The following BLACAT1 variants were observed in gnomAD, a reference collection of about 807,000 sequenced individuals.
BLACAT1 encodes BLACAT1 overlapping LEMD1 locus, also known as bladder cancer associated transcript 1.
At chr1:205,452,336 CAGG>C (rs1239047758) in intron 1 of BLACAT1, among the ~76,000 whole-genome samples, 1 of 152,170 alleles carries the variant, frequency 6.6e-6, no homozygotes, top group African/African-American at 2.4e-5. Context: ...GAGGCTAAGC[CAGG>C]AGGAGAACTC....
At chr1:205,443,919 T>C (rs1666339302) in intron 1 of BLACAT1, among the ~76,000 whole-genome samples, 1 of 152,152 alleles carries the variant, frequency 6.6e-6, no homozygotes, top group Non-Finnish European at 1.5e-5. Flanking sequence ...GGCTGTGGTC[T>C]CTGCTCCTCT....
chr1:205,439,295 T>C (rs1443221272), downstream of BLACAT1, among the ~76,000 whole-genome samples: 2 of 152,128 alleles, frequency 1.3e-5, no homozygotes, highest in Non-Finnish European at 2.9e-5. Flanking sequence ...ATTCTTTGGA[T>C]ATAAAAGGAA....
At chr1:205,444,773 C>T (rs186208601) in intron 1 of BLACAT1, among the ~76,000 whole-genome samples, 2 of 152,138 alleles carry the variant, frequency 1.3e-5, no homozygotes, top group Admixed American at 1.3e-4. Context: ...TGGGGCATGC[C>T]AGCAATTCTC....
At position 205,448,443 on chromosome 1, in the gene BLACAT1, G is replaced by C. The variant is rs1666440913; in HGVS notation, c.-36-7381C>G. The C allele has an allele frequency of 1.9e-6, 1 of 530,936 alleles. No homozygotes were observed. The highest frequency in any genetic ancestry group is 3.9e-6 in the Non-Finnish European group (1 of 259,384). The allele number at this position is 530,936 out of a possible 1,614,324, so 32.9% of individuals were successfully genotyped here. A position where few individuals can be genotyped will look rare whatever the true frequency, so the allele number is the denominator to read the frequency against. Reference sequence around the variant, plus strand: ...ATCTCATAGGGAAGCGAGAAGCTGGGGCACCCGAGAAGCCCTCACTCCCCT... The same window carrying C: ...ATCTCATAGGGAAGCGAGAAGCTGGCGCACCCGAGAAGCCCTCACTCCCCT... On this transcript the variant is annotated intron_variant, in intron 1 of 1. Coordinates refer to ENST00000629624, the Ensembl canonical transcript of BLACAT1. This position sits in a 1 kb window ranked among gnomAD's most constrained non-coding sequence, Gnocchi z 4.7.
At position 205,448,481 on chromosome 1, in the gene BLACAT1, C is replaced by T. The variant is rs1352818300; in HGVS notation, c.-36-7419G>A. 6 of 492,564 alleles carry T rather than the reference C, an allele frequency of 1.2e-5. No individual in the cohort carries two copies. The highest frequency in any genetic ancestry group is 4.0e-5 in the African/African-American group (2 of 50,624). The allele number at this position is 492,564 out of a possible 1,614,324, so 30.5% of individuals were successfully genotyped here. On this transcript the variant is annotated intron_variant, in intron 1 of 1. Coordinates refer to ENST00000629624, the Ensembl canonical transcript of BLACAT1. This position sits in a 1 kb window ranked among gnomAD's most constrained non-coding sequence, Gnocchi z 4.7. Reference sequence around the variant, plus strand: ...CCCTCACTCCCCTTCTCAGCACCCCCGACCCCAGACCCACCCACACTGCCT... The same window carrying T: ...CCCTCACTCCCCTTCTCAGCACCCCTGACCCCAGACCCACCCACACTGCCT...
intron 1 of BLACAT1, among the ~76,000 whole-genome samples, 159 bp downstream of exon 1, chr1:205,455,758 T>C (rs1425437331): frequency 6.6e-6 from 1 of 152,124 alleles, no homozygotes; most frequent in Non-Finnish European, 1.5e-5. Context: ...GGTGAGTGCC[T>C]GAACCCGCAT....
chr1:205,452,981 C>T (rs926475502), intron 1 of BLACAT1, among the ~76,000 whole-genome samples: 9 of 152,134 alleles, frequency 5.9e-5, no homozygotes, highest in Non-Finnish European at 1.5e-5. Flanking sequence ...GTGCTTGGAG[C>T]TCCCTTATGC....
chr1:205,448,262 C>G lies in BLACAT1; in HGVS notation c.-36-7200G>C. The G allele has an allele frequency of 2.0e-6, 1 of 510,906 alleles. No individual in the cohort carries two copies. The highest frequency in any genetic ancestry group is 4.1e-6 in the Non-Finnish European group (1 of 242,712). 31.6% of individuals were successfully genotyped at this position (510,906 alleles called of 1,614,324 possible). ...TTCTGGTGCCCCTTGGTGGCTGGCTCCGAACCTGGTCCCATGGGAGGTGCA... is the reference window on the plus strand; with the variant it reads ...TTCTGGTGCCCCTTGGTGGCTGGCTGCGAACCTGGTCCCATGGGAGGTGCA... On this transcript the variant is annotated intron_variant, in intron 1 of 1. Transcript: ENST00000629624. The surrounding 1 kb of genome is among the most constrained non-coding windows in gnomAD (Gnocchi z 4.7).
downstream of BLACAT1, chr1:205,437,068 C>G (rs1006360279): frequency 2.6e-5 from 4 of 152,602 alleles, no homozygotes; most frequent in Admixed American, 2.6e-4. Flanking sequence ...CCAGCACATT[C>G]CACCACCAGC....
At chr1:205,442,566 AGCGTCCCG>A in intron 1 of BLACAT1, among the ~76,000 whole-genome samples, 1 of 152,320 alleles carries the variant, frequency 6.6e-6, no homozygotes, top group East Asian at 1.9e-4. Flanking sequence ...TCAGCCTCTC[AGCGTCCCG>A]GTAATACAGC....
At chr1:205,438,866 C>T (rs1026363579), downstream of BLACAT1, among the ~76,000 whole-genome samples, 1 of 152,192 alleles carries the variant, frequency 6.6e-6, no homozygotes, top group Non-Finnish European at 1.5e-5. Context: ...CAAACCCCTG[C>T]AGCTGCAATC....
intron 1 of BLACAT1, among the ~76,000 whole-genome samples, chr1:205,443,545 T>TAGCTG (rs1216409669): frequency 3.9e-5 from 6 of 152,200 alleles, no homozygotes; most frequent in Non-Finnish European, 7.4e-5. Context: ...GGCTGTAGCC[T>TAGCTG]GGCTCCCGAG....
chr1:205,439,966 T>C (rs893458289), exon 2 of BLACAT1, among the ~76,000 whole-genome samples: 1 of 101,666 alleles, frequency 9.8e-6, no homozygotes, highest in Non-Finnish European at 2.0e-5. Context: ...TTGGCGGGGG[T>C]GGGGGATGAG....
In BLACAT1 at chr1:205,443,603, T is replaced by G. The variant is rs144605822; in HGVS notation, c.-36-2541A>C. 5.6e-4 allele frequency among the ~76,000 whole-genome samples: 85 copies of G among 152,278 alleles called. 1 individual carries two copies. The highest frequency in any genetic ancestry group is 2.0e-3 in the African/African-American group (82 of 41,554). ...TCAGTGGGATTCCTGGGTCCTTGTATCTAAGAGTAGAAAGTATCATAAACA... is the reference window on the plus strand; with the variant it reads ...TCAGTGGGATTCCTGGGTCCTTGTAGCTAAGAGTAGAAAGTATCATAAACA... On this transcript the variant is annotated intron_variant, in intron 1 of 1. Coordinates refer to ENST00000629624, the Ensembl canonical transcript of BLACAT1.
chr1:205,453,050 A>G (rs1666517078), intron 1 of BLACAT1, among the ~76,000 whole-genome samples: 1 of 152,138 alleles, frequency 6.6e-6, no homozygotes, highest in South Asian at 2.1e-4. Context: ...GTGAGTGGGC[A>G]GCAAAGCCTG....
intron 1 of BLACAT1, among the ~76,000 whole-genome samples, chr1:205,454,879 C>G (rs772356257): frequency 5.3e-5 from 8 of 151,522 alleles, no homozygotes; most frequent in South Asian, 2.1e-4. Flanking sequence ...AAAAAAAAAT[C>G]GTCAGGAAAG....
At chr1:205,447,681 C>G (rs941692776) in intron 1 of BLACAT1, among the ~76,000 whole-genome samples, 4 of 152,058 alleles carry the variant, frequency 2.6e-5, no homozygotes, top group African/African-American at 9.6e-5. Context: ...CTTCACACAC[C>G]GCAGGAGGGG....
intron 1 of BLACAT1, among the ~76,000 whole-genome samples, chr1:205,449,564 C>T (rs1431301937): frequency 6.6e-6 from 1 of 152,170 alleles, no homozygotes; most frequent in Non-Finnish European, 1.5e-5. Context: ...TCCTGCATTC[C>T]CCAACAACAG....
chr1:205,453,545 C>T (rs749911219), intron 1 of BLACAT1, among the ~76,000 whole-genome samples: 3 of 152,212 alleles, frequency 2.0e-5, no homozygotes, highest in Non-Finnish European at 2.9e-5. Context: ...ACTTCCCAGG[C>T]AAACAGAGGG....
Sources: gnomAD v4.1 joint callset for allele counts (sites outside exome capture counted in the v4.1 genomes callset) on GRCh38, gnomAD v4.1.1 for gene constraint, Gnocchi (gnomAD v3.1) non-coding constraint, MANE v1.5 for transcripts, NCBI Gene and HGNC (gene_info 2026-07-23, HGNC 2026-07-21) for gene names.